The following GGA3 variants were observed in gnomAD, a reference collection of about 807,000 sequenced individuals.
The protein encoded by GGA3 is ADP-ribosylation factor-binding protein GGA3.
In GGA3, 57 loss-of-function variants were observed where a neutral mutation model predicts 77.5. The observed-to-expected ratio is 0.74, with a 90% CI of 0.59 to 0.92. The LOEUF (loss-of-function observed/expected upper bound fraction) is 0.92, where lower values mean the gene tolerates loss of function less well. Among genes scored for constraint, GGA3 ranks in the 40% least tolerant of loss-of-function variants. The pLI is 0.00. For synonymous variants in GGA3, 416 were observed against 383.7 expected (o/e 1.08, Z -0.98); for missense variants, 970 against 914.9 (o/e 1.06, Z -0.78).
chr17:75,240,442 A>T (rs1445389695), intron 11 of GGA3, 30 bp from the exon 12 acceptor site: 1 of 1,454,892 alleles, frequency 6.9e-7, no homozygotes, highest in East Asian at 2.3e-5. Flanking sequence ...CAGGATGAGA[A>T]GAGGCTCTGA....
chr17:75,261,426 G>A lies in GGA3; in HGVS notation c.40+122C>T, dbSNP rs1303243304. 5 of 714,022 alleles carry A rather than the reference G, an allele frequency of 7.0e-6. No individual in the cohort carries two copies. The East Asian group carries it at 1.0e-4, about 14-fold the overall frequency. 44.2% of individuals were successfully genotyped at this position (714,022 alleles called of 1,614,324 possible). A position where few individuals can be genotyped will look rare whatever the true frequency, so the allele number is the denominator to read the frequency against. On this transcript the variant is annotated intron_variant, in intron 1 of 16. Coordinates refer to ENST00000537686, the MANE Select transcript of GGA3 (RefSeq NM_138619.4). ...CGTGATCGCAGGCTGCTCGCGGCGA[G>A]GGCGAGACCGGGCGTGGGCTGCCAA...
intron 8 of GGA3, 52 bp from the exon 9 acceptor site, chr17:75,241,748 T>C: frequency 6.9e-7 from 1 of 1,441,396 alleles, no homozygotes; most frequent in Non-Finnish European, 9.8e-7. Flanking sequence ...TTAGAGATCA[T>C]CTGATTCATT....
chr17:75,248,520 CT>C (rs2076839869), intron 1 of GGA3, among the ~76,000 whole-genome samples: 1 of 139,474 alleles, frequency 7.2e-6, no homozygotes, highest in East Asian at 2.2e-4. Context: ...GGTGCAGTGG[CT>C]CACGCCTGTA....
rs764374595 is a variant in GGA3, at chr17:75,238,274, TG to T, written c.*4del. The T allele has an allele frequency of 6.2e-7, 1 of 1,612,538 alleles. No individual in the cohort carries two copies. Among genetic ancestry groups the T allele is most frequent in the South Asian group, 1.1e-5 (1 of 90,800 alleles). On this transcript the variant is annotated 3_prime_UTR_variant, in exon 17 of 17. Coordinates refer to ENST00000537686, the MANE Select transcript of GGA3 (RefSeq NM_138619.4). ...TCAAGGTGGAGATCACAGCGTCCTC[TG>T]GGGTCATAGGTTCCCCCACTGTTCC...
intron 16 of GGA3, 42 bp downstream of exon 16, chr17:75,238,610 C>T: frequency 7.1e-7 from 1 of 1,399,584 alleles, no homozygotes. Context: ...TCTGGGGCAG[C>T]TGGGGCCTCA....
chr17:75,261,648 G>C, upstream of GGA3: 3 of 1,444,378 alleles, frequency 2.1e-6, no homozygotes, highest in Middle Eastern at 1.8e-4. Context: ...GCTGAGACGG[G>C]GCGGGGCCTG....
In GGA3 at chr17:75,237,592, C is replaced by T. The variant is rs1055356950; in HGVS notation, c.*687G>A. The T allele has an allele frequency of 5.2e-6, 8 of 1,534,012 alleles. No homozygotes were observed. The highest frequency in any genetic ancestry group is 7.0e-6 in the Non-Finnish European group (8 of 1,145,752). ...CCTTCCTATCCCTAGTTGGGCCTGT[C>T]ATGAGGCCAAATTCCATGTCCTGCC... On this transcript the variant is annotated 3_prime_UTR_variant, in exon 17 of 17. Coordinates refer to ENST00000537686, the MANE Select transcript of GGA3 (RefSeq NM_138619.4).
chr17:75,241,701 A>G lies in GGA3; in HGVS notation c.748-5T>C. The G allele has an allele frequency of 6.2e-7, 1 of 1,613,080 alleles. No individual in the cohort carries two copies. The highest frequency in any genetic ancestry group is 1.3e-5 in the African/African-American group (1 of 75,016). ...CTCACACTGATCAAACAGCTCCTGA[A>G]AGAGACTCGGACATAAAAATCAAAC... On this transcript the variant is annotated splice_region_variant and splice_polypyrimidine_tract_variant and intron_variant, in intron 8 of 16. Transcript: ENST00000537686.
At chr17:75,259,537 G>C (rs570190076) in intron 1 of GGA3, among the ~76,000 whole-genome samples, 123 of 152,312 alleles carry the variant, frequency 8.1e-4, no homozygotes, top group Non-Finnish European at 1.5e-3. Flanking sequence ...AAGCCACAGA[G>C]AAAAAGGCCT....
rs370763424 is a variant in GGA3, at chr17:75,242,507, C to T, written c.610-34G>A. ...GTGAAGAAGTTCAAGAGAAAGAGAG[C>T]GTCACTTGACTGTCTTTCCACTTCC... On this transcript the variant is annotated intron_variant, in intron 7 of 16. Transcript: ENST00000537686. 1.8e-5 allele frequency: 29 copies of T among 1,612,634 alleles called. No homozygotes were observed. The African/African-American group carries it at 2.5e-4, about 14-fold the overall frequency.
At chr17:75,261,900 G>A, upstream of GGA3, 1 of 1,608,644 alleles carries the variant, frequency 6.2e-7, no homozygotes, top group African/African-American at 1.3e-5. Flanking sequence ...GGCCAGCCAA[G>A]ATGGCTGCCC....
At chr17:75,246,438 A>C in intron 3 of GGA3, 71 bp downstream of exon 3, 1 of 1,003,270 alleles carries the variant, frequency 1.0e-6, no homozygotes, top group Non-Finnish European at 1.6e-6. Context: ...AAGAACCGCT[A>C]TGGGGACACG....
Position 75,239,065 on chromosome 17 carries a change from G to A in GGA3, c.1799C>T (p.Thr600Ile), listed in dbSNP as rs199519887. ...SIKPSSALPV[T>I]AYDKNGFRIL... The stretch of plus-strand genomic sequence containing the variant: ...GCGGAAGCCGTTTTTATCGTAGGCT[G>A]TCACAGGAAGGGCACTGCCTGTAAG... Residue 600 changes from threonine (T) to isoleucine (I), a missense_variant, in exon 15 of 17, where the codon ACA (threonine) becomes ATA (isoleucine). Transcript: ENST00000537686. The A allele has an allele frequency of 1.9e-5, 31 of 1,613,244 alleles. No homozygotes were observed. The highest frequency in any genetic ancestry group is 1.4e-5 in the Non-Finnish European group (17 of 1,179,904).
At chr17:75,252,301 T>C (rs1447717489) in intron 1 of GGA3, among the ~76,000 whole-genome samples, 1 of 152,046 alleles carries the variant, frequency 6.6e-6, no homozygotes, top group Non-Finnish European at 1.5e-5. Context: ...CATGGCTCAC[T>C]GTAGCCTCCA....
At position 75,237,975 on chromosome 17, in the gene GGA3, C is replaced by T. The variant is rs1469804712; in HGVS notation, c.*304G>A. On this transcript the variant is annotated 3_prime_UTR_variant, in exon 17 of 17. Transcript: ENST00000537686. ...GTGAATGCCAGTAGAAGGAAGCAAA[C>T]ACCTACGCCAAGCCTGGGGGTCCAT... 8.5e-7 allele frequency: 1 copy of T among 1,180,824 alleles called. No homozygotes were observed. Among genetic ancestry groups the T allele is most frequent in the Non-Finnish European group, 1.0e-6 (1 of 956,578 alleles). The allele number at this position is 1,180,824 out of a possible 1,614,324, so 73.1% of individuals were successfully genotyped here. A position where few individuals can be genotyped will look rare whatever the true frequency, so the allele number is the denominator to read the frequency against.
rs112883237 is a variant in GGA3 at position 75,240,732 on chromosome 17, G to C, written c.1192+80C>G. ...ACCCCAACAGTCACACTGGGGCCCC[G>C]CTCAGGGCTCCTAATTCCACACACC... On this transcript the variant is annotated intron_variant, in intron 11 of 16. Coordinates refer to ENST00000537686, the MANE Select transcript of GGA3 (RefSeq NM_138619.4). 3.1e-5 allele frequency: 45 copies of C among 1,465,122 alleles called. No homozygotes were observed. In the South Asian group the frequency reaches 6.0e-4, roughly 19 times the overall value. The allele number at this position is 1,465,122 out of a possible 1,614,324, so 90.8% of individuals were successfully genotyped here.
upstream of GGA3, chr17:75,261,815 C>A: frequency 7.1e-7 from 1 of 1,408,384 alleles, no homozygotes; most frequent in Non-Finnish European, 9.7e-7. Context: ...AGATTTAGGA[C>A]CCTGAGGAGT....
At chr17:75,244,832 G>A in intron 3 of GGA3, 115 bp from the exon 4 acceptor site, 1 of 718,748 alleles carries the variant, frequency 1.4e-6, no homozygotes, top group Non-Finnish European at 2.5e-6. Flanking sequence ...ACAGGAAGGA[G>A]CTCATCACGA....
In GGA3 at chr17:75,238,112, G is replaced by A. The variant is rs1160829138; in HGVS notation, c.*167C>T. The A allele has an allele frequency of 1.4e-6, 2 of 1,417,300 alleles. No homozygotes were observed. The highest frequency in any genetic ancestry group is 9.2e-7 in the Non-Finnish European group (1 of 1,089,180). The allele number at this position is 1,417,300 out of a possible 1,614,324, so 87.8% of individuals were successfully genotyped here. A position where few individuals can be genotyped will look rare whatever the true frequency, so the allele number is the denominator to read the frequency against. On this transcript the variant is annotated 3_prime_UTR_variant, in exon 17 of 17. Coordinates refer to ENST00000537686, the MANE Select transcript of GGA3 (RefSeq NM_138619.4). ...GGTCCTTTTAGGGGCCAAAGGAGAG[G>A]TTATCACAGCAGCAGTTTGGTTCTC...
Sources: allele counts gnomAD v4.1 joint callset (sites outside exome capture counted in the v4.1 genomes callset), GRCh38; gene constraint gnomAD v4.1.1; transcripts MANE v1.5; gene names NCBI Gene and HGNC (gene_info 2026-07-23, HGNC 2026-07-21).